KLF8: variants seen among roughly 807,000 people sequenced by gnomAD.
The protein encoded by KLF8 is Krueppel-like factor 8.
Under a neutral mutation model 18.2 loss-of-function variants are expected in KLF8, and 10 were observed. The observed-to-expected ratio is 0.55, with a 90% CI of 0.34 to 0.93. The LOEUF (loss-of-function observed/expected upper bound fraction) is 0.93, where lower values mean the gene tolerates loss of function less well. KLF8 is among the 40% of genes least tolerant of loss of function. The pLI is 0.02. For synonymous variants in KLF8, 109 were observed against 97.3 expected (o/e 1.12, Z -0.71); for missense variants, 264 against 277.9 (o/e 0.95, Z 0.36).
chrX:56,154,990 C>G, the KLF8 span, among the ~76,000 whole-genome samples: 1 of 112,009 alleles, frequency 8.9e-6, no homozygotes, highest in Non-Finnish European at 1.9e-5. Context: ...AACAGGAACA[C>G]TTTTACACTG....
At chrX:56,046,510 G>A in the KLF8 span, among the ~76,000 whole-genome samples, 1 of 110,575 alleles carries the variant, frequency 9.0e-6, no homozygotes, top group Non-Finnish European at 1.9e-5. Flanking sequence ...TGTCCTGTGA[G>A]ATTTATGCGT....
chrX:56,049,670 A>C, the KLF8 span, among the ~76,000 whole-genome samples: 1 of 103,616 alleles, frequency 9.7e-6, no homozygotes, highest in Non-Finnish European at 2.0e-5. Context: ...TCGGTTTGCC[A>C]GTATTTTATT....
At chrX:56,215,346 C>G in the KLF8 span, among the ~76,000 whole-genome samples, 1 of 111,546 alleles carries the variant, frequency 9.0e-6, no homozygotes, top group Non-Finnish European at 1.9e-5. Flanking sequence ...TAAAACAATG[C>G]TTGGCTCCAA....
the KLF8 span, among the ~76,000 whole-genome samples, chrX:55,949,626 A>G: frequency 1.5e-4 from 10 of 67,592 alleles, no homozygotes; most frequent in East Asian, 6.3e-3. Flanking sequence ...CCCTGTCTCT[A>G]CTAAAAATAC....
chrX:56,049,372 T>C, the KLF8 span, among the ~76,000 whole-genome samples: 1 of 111,527 alleles, frequency 9.0e-6, no homozygotes, highest in African/African-American at 3.3e-5. Flanking sequence ...CTTCTAGTTT[T>C]TGTCCATTCA....
rs1009227158 is a variant in KLF8 at position 56,266,829 on chromosome X, A to G, written c.646+1085A>G. The G allele has an allele frequency of 4.0e-6, 3 of 752,042 alleles. No homozygotes were observed. In the African/African-American group the frequency reaches 7.0e-5, roughly 17 times the overall value. 62.0% of individuals were successfully genotyped at this position (752,042 alleles called of 1,213,427 possible). On this transcript the variant is annotated intron_variant, in intron 3 of 5. Transcript: ENST00000468660. ...CTACCCTTGAAATTTGATGCCCTGT[A>G]CTAAATGTAGGAGGCTGAAAAACAA...
chrX:56,025,259 G>A, the KLF8 span, among the ~76,000 whole-genome samples: 1 of 112,432 alleles, frequency 8.9e-6, no homozygotes, highest in Non-Finnish European at 1.9e-5. Flanking sequence ...TCTAGAGAGC[G>A]TTTTCGAACC....
the KLF8 span, among the ~76,000 whole-genome samples, chrX:56,183,489 G>T: frequency 9.0e-6 from 1 of 110,676 alleles, no homozygotes; most frequent in South Asian, 3.8e-4. Flanking sequence ...AAAAGCCCCA[G>T]TGAGATGAAA....
At chrX:55,996,505 C>T in the KLF8 span, among the ~76,000 whole-genome samples, 3 of 111,880 alleles carry the variant, frequency 2.7e-5, no homozygotes, top group Non-Finnish European at 5.6e-5. Flanking sequence ...TTCCTTTAAT[C>T]TTTGAAGTTT....
chrX:56,268,702 C>G (rs929751324), intron 3 of KLF8: 9 of 782,170 alleles, frequency 1.2e-5, no homozygotes, highest in Non-Finnish European at 1.4e-5. Flanking sequence ...ATCACCACCC[C>G]CAAGTTTCTT....
Position 56,284,702 on chromosome X carries a change from T to G in KLF8, c.*208T>G. ...TCACTTCTCCACTGTCCAGACCCGT[T>G]TTTTTCAACCTCCACATGGGTTGAA... On this transcript the variant is annotated 3_prime_UTR_variant, in exon 6 of 6. Coordinates refer to ENST00000468660, the MANE Select transcript of KLF8 (RefSeq NM_007250.5). The G allele has an allele frequency of 3.4e-6, 1 of 297,972 alleles. No individual in the cohort carries two copies. Among genetic ancestry groups the G allele is most frequent in the Non-Finnish European group, 5.8e-6 (1 of 172,012 alleles). 24.6% of individuals were successfully genotyped at this position (297,972 alleles called of 1,213,427 possible).
At chrX:55,961,598 T>A in the KLF8 span, 2 of 472,086 alleles carry the variant, frequency 4.2e-6, no homozygotes, top group Non-Finnish European at 8.0e-6. Context: ...GTGCATACCA[T>A]TTCTGGAACT....
At chrX:56,174,293 T>C in the KLF8 span, among the ~76,000 whole-genome samples, 1 of 111,854 alleles carries the variant, frequency 8.9e-6, no homozygotes, top group Middle Eastern at 4.7e-3. Flanking sequence ...TTATTGAGAG[T>C]TTTTAGCATG....
At chrX:55,950,996 C>T in the KLF8 span, among the ~76,000 whole-genome samples, 1 of 111,815 alleles carries the variant, frequency 8.9e-6, no homozygotes, top group Non-Finnish European at 1.9e-5. Context: ...TTCCTTCTTT[C>T]CAGAGGTCTA....
chrX:56,090,470 T>TCCTGG, the KLF8 span, among the ~76,000 whole-genome samples: 1 of 112,225 alleles, frequency 8.9e-6, no homozygotes, highest in Non-Finnish European at 1.9e-5. Flanking sequence ...GTGTTGGAAT[T>TCCTGG]ATTAAACCAG....
chrX:56,182,354 C>A, the KLF8 span, among the ~76,000 whole-genome samples: 2 of 112,017 alleles, frequency 1.8e-5, no homozygotes, highest in Non-Finnish European at 3.8e-5. Flanking sequence ...TTCTAGTTAA[C>A]CATTTGTCTA....
intron 2 of KLF8, among the ~76,000 whole-genome samples, chrX:56,259,010 C>T: frequency 8.9e-6 from 1 of 111,765 alleles, no homozygotes; most frequent in East Asian, 2.8e-4. Flanking sequence ...TATCAACATA[C>T]CATGCAGTGA....
At chrX:56,258,518 G>T (rs765836296) in intron 2 of KLF8, among the ~76,000 whole-genome samples, 10 of 111,933 alleles carry the variant, frequency 8.9e-5, no homozygotes, top group Non-Finnish European at 1.7e-4. Flanking sequence ...CTCGTGATCT[G>T]CCAGCCTCGG....
At chrX:55,961,627 G>T in the KLF8 span, 91 of 424,082 alleles carry the variant, frequency 2.1e-4, no homozygotes, top group Non-Finnish European at 3.5e-4. Flanking sequence ...AACGATCAGA[G>T]CCTGTTTTCT....
Sources: allele counts gnomAD v4.1 joint callset (sites outside exome capture counted in the v4.1 genomes callset), GRCh38; gene constraint gnomAD v4.1.1; transcripts MANE v1.5; gene names NCBI Gene and HGNC (gene_info 2026-07-23, HGNC 2026-07-21).